The following ABHD12B variants were observed in gnomAD, a reference collection of about 807,000 sequenced individuals.
ABHD12B encodes the protein abhydrolase domain containing 12B, also known as protein ABHD12B.
In ABHD12B, 42 loss-of-function variants were observed where a neutral mutation model predicts 50.4. The observed-to-expected ratio is 0.83, with a 90% confidence interval of 0.65 to 1.08. The LOEUF (loss-of-function observed/expected upper bound fraction) is 1.08. Among genes scored for constraint, ABHD12B ranks in the 50% least tolerant of loss-of-function variants. The pLI is 0.00. For missense variants in ABHD12B, 479 were observed against 447.7 expected (o/e 1.07, Z -0.63); for synonymous variants, 167 against 160.3 (o/e 1.04, Z -0.32).
At position 50,879,993 on chromosome 14, in the gene ABHD12B, C is replaced by T. The variant is rs777204528; in HGVS notation, c.336-459C>T. On this transcript the variant is annotated intron_variant, in intron 3 of 12. Transcript: ENST00000337334. ...ACAGATGTTTAAAATCACAAGGTTT[C>T]TTGGTTTCTGGAGCAAAATAGTTTA... Among the ~76,000 whole-genome samples the T allele has an allele frequency of 4.6e-5, 7 of 152,338 alleles. No individual in the cohort carries two copies. The East Asian group carries it at 1.2e-3, about 25-fold the overall frequency.
At chr14:50,876,573 C>G (rs2049866501) in intron 1 of ABHD12B, among the ~76,000 whole-genome samples, 3 of 152,140 alleles carry the variant, frequency 2.0e-5, no homozygotes, top group Admixed American at 2.0e-4. Flanking sequence ...CAGAGGCCAG[C>G]TTTGTTCCTG....
At chr14:50,876,830 C>T (rs1296943876) in intron 1 of ABHD12B, among the ~76,000 whole-genome samples, 1 of 152,166 alleles carries the variant, frequency 6.6e-6, no homozygotes, top group Non-Finnish European at 1.5e-5. Flanking sequence ...GCTTTCCAGC[C>T]CCTCAACCTT....
chr14:50,900,955 A>T (rs2050254645), intron 9 of ABHD12B, among the ~76,000 whole-genome samples: 1 of 152,128 alleles, frequency 6.6e-6, no homozygotes, highest in Non-Finnish European at 1.5e-5. Context: ...TTCCTGTGGG[A>T]ACTGGATTAT....
intron 9 of ABHD12B, among the ~76,000 whole-genome samples, chr14:50,896,816 G>A (rs1268357963): frequency 6.6e-6 from 1 of 152,154 alleles, no homozygotes; most frequent in African/African-American, 2.4e-5. Flanking sequence ...GCACCCAGGT[G>A]AAATAAACAG....
At chr14:50,897,691 G>C (rs1046957964) in intron 9 of ABHD12B, among the ~76,000 whole-genome samples, 1 of 152,202 alleles carries the variant, frequency 6.6e-6, no homozygotes, top group Non-Finnish European at 1.5e-5. Flanking sequence ...GTTCAAATCT[G>C]TCCTTGGCCA....
Position 50,904,375 on chromosome 14 carries a change from G to A in ABHD12B, c.*9G>A. ...GCAAGCAGTGGTCATGAGTCTGGGAGGAGTGGAAATCTTCAATGAAGACTT... is the reference window on the plus strand; with the variant it reads ...GCAAGCAGTGGTCATGAGTCTGGGAAGAGTGGAAATCTTCAATGAAGACTT... On this transcript the variant is annotated 3_prime_UTR_variant, in exon 13 of 13. Coordinates refer to ENST00000337334, the MANE Select transcript of ABHD12B (RefSeq NM_001206673.2). 6.2e-7 allele frequency: 1 copy of A among 1,613,856 alleles called. No homozygotes were observed. The highest frequency in any genetic ancestry group is 1.3e-5 in the African/African-American group (1 of 75,042).
intron 1 of ABHD12B, among the ~76,000 whole-genome samples, chr14:50,873,039 G>T (rs2049807647): frequency 6.6e-6 from 1 of 152,138 alleles, no homozygotes; most frequent in Admixed American, 6.5e-5. Context: ...GGACACGTGG[G>T]TATTTCATTT....
intron 1 of ABHD12B, 120 bp from the exon 2 acceptor site, chr14:50,877,832 A>T: frequency 9.5e-7 from 1 of 1,048,228 alleles, no homozygotes; most frequent in Non-Finnish European, 1.3e-6. Flanking sequence ...ATGCCATTGC[A>T]CTCCAGCCTG....
intron 9 of ABHD12B, among the ~76,000 whole-genome samples, chr14:50,896,246 C>G (rs1479133360): frequency 6.6e-6 from 1 of 152,158 alleles, no homozygotes; most frequent in African/African-American, 2.4e-5. Context: ...AGCCTATAAA[C>G]TCTCCTTACA....
intron 4 of ABHD12B, 47 bp from the exon 5 acceptor site, chr14:50,881,549 G>A (rs775596474): frequency 1.3e-6 from 2 of 1,535,428 alleles, no homozygotes; most frequent in South Asian, 1.2e-5. Context: ...TGTTATCATC[G>A]TTCCTAATTC....
chr14:50,889,048 T>C, intron 9 of ABHD12B, 145 bp downstream of exon 9: 1 of 582,918 alleles, frequency 1.7e-6, no homozygotes. Context: ...TCTGAGACAG[T>C]TTATTAACCA....
intron 4 of ABHD12B, 113 bp downstream of exon 4, chr14:50,880,684 T>G: frequency 1.7e-6 from 2 of 1,211,852 alleles, no homozygotes; most frequent in Non-Finnish European, 2.2e-6. Context: ...CCTTCACATA[T>G]TTCTTCTCCT....
intron 11 of ABHD12B, 46 bp from the exon 12 acceptor site, chr14:50,904,028 A>G (rs764328774): frequency 6.7e-7 from 1 of 1,494,718 alleles, no homozygotes; most frequent in Non-Finnish European, 9.2e-7. Flanking sequence ...AGAAAAATCT[A>G]CAGCTTTGAA....
At position 50,886,566 on chromosome 14, in the gene ABHD12B, C is replaced by G. The variant is rs562818072; in HGVS notation, c.663-81C>G. On this transcript the variant is annotated intron_variant, in intron 7 of 12. Transcript: ENST00000337334. Reference sequence around the variant, plus strand: ...ATTTTTCTAACCAGAGAGCCCAGAGCTTTTATCAGATGCTCATACCAGAAG... The same window carrying G: ...ATTTTTCTAACCAGAGAGCCCAGAGGTTTTATCAGATGCTCATACCAGAAG... 18 of 1,370,458 alleles carry G rather than the reference C, an allele frequency of 1.3e-5. No homozygotes were observed. The South Asian group carries it at 1.6e-4, about 12-fold the overall frequency. The allele number at this position is 1,370,458 out of a possible 1,614,324, so 84.9% of individuals were successfully genotyped here. A position where few individuals can be genotyped will look rare whatever the true frequency, so the allele number is the denominator to read the frequency against.
At chr14:50,874,852 C>T (rs911546831) in intron 1 of ABHD12B, among the ~76,000 whole-genome samples, 8 of 152,208 alleles carry the variant, frequency 5.3e-5, no homozygotes, top group Non-Finnish European at 1.2e-4. Flanking sequence ...AGACAAAATC[C>T]TTGCTCTGTG....
intron 1 of ABHD12B, among the ~76,000 whole-genome samples, chr14:50,873,198 G>A (rs1235852054): frequency 6.6e-6 from 1 of 151,948 alleles, no homozygotes; most frequent in African/African-American, 2.4e-5. Context: ...ATGACAAACG[G>A]GGATCTTTTC....
At chr14:50,900,974 G>A (rs909137070) in intron 9 of ABHD12B, among the ~76,000 whole-genome samples, 6 of 152,188 alleles carry the variant, frequency 3.9e-5, no homozygotes, top group African/African-American at 1.4e-4. Flanking sequence ...ATGGAAGGGT[G>A]AAGGCAGAAT....
Position 50,903,373 on chromosome 14 carries a change from T to C in ABHD12B, c.864-16T>C. 1 of 1,595,396 alleles carries C rather than the reference T, an allele frequency of 6.3e-7. No homozygotes were observed. Among genetic ancestry groups the C allele is most frequent in the South Asian group, 1.1e-5 (1 of 90,374 alleles). Reference sequence around the variant, plus strand: ...ATCATTCTTTAACTGAATGCTTTTCTTCTACTTGTCCCTAGTGTTAAATTC... The same window carrying C: ...ATCATTCTTTAACTGAATGCTTTTCCTCTACTTGTCCCTAGTGTTAAATTC... On this transcript the variant is annotated splice_polypyrimidine_tract_variant and intron_variant, in intron 10 of 12. Coordinates refer to ENST00000337334, the MANE Select transcript of ABHD12B (RefSeq NM_001206673.2).
chr14:50,899,268 A>G (rs187303698), intron 9 of ABHD12B, among the ~76,000 whole-genome samples: 10 of 152,388 alleles, frequency 6.6e-5, no homozygotes, highest in African/African-American at 2.4e-4. Flanking sequence ...AGAACTATGA[A>G]GCAGCAATTT....
Sources: gnomAD v4.1 joint callset for allele counts (sites outside exome capture counted in the v4.1 genomes callset) on GRCh38, gnomAD v4.1.1 for gene constraint, MANE v1.5 for transcripts, NCBI Gene and HGNC (gene_info 2026-07-23, HGNC 2026-07-21) for gene names.